The following GUCY2F variants were observed in gnomAD, a reference collection of about 807,000 sequenced individuals.
The protein encoded by GUCY2F is guanylate cyclase 2F, retinal.
A neutral mutation model predicts 73.1 loss-of-function variants in GUCY2F; 61 were observed. The ratio of observed to expected loss-of-function variants is 0.83; its 90% confidence interval spans 0.68 to 1.03. GUCY2F has a LOEUF of 1.03. Ranked by LOEUF, GUCY2F falls within the 50% of genes least tolerant of loss-of-function variation. The pLI is 0.00. For missense variants in GUCY2F, 912 were observed against 854.3 expected (o/e 1.07, Z -0.84); for synonymous variants, 331 against 307.8 (o/e 1.08, Z -0.79).
rs756259576 is a variant in GUCY2F, at chrX:109,409,155, C to T, written c.1805G>A (p.Arg602His). The T allele has an allele frequency of 3.6e-5, 40 of 1,098,411 alleles. No homozygotes were observed. Among genetic ancestry groups the T allele is most frequent in the South Asian group, 1.7e-4 (9 of 53,239 alleles). 90.5% of individuals were successfully genotyped at this position (1,098,411 alleles called of 1,213,427 possible). ...SDVFEMMKDL[R>H]HENINPLLGF... ...CAATAAAGGGTTAATATTCTCATGA[C>T]GCAAGTCCTTCATCTGGAAATGAGA... is the stretch of plus-strand genomic sequence containing the variant. Residue 602 changes from arginine (R) to histidine (H), a missense_variant, in exon 9 of 20, where the codon CGT becomes CAT. Coordinates refer to ENST00000218006, the MANE Select transcript of GUCY2F (RefSeq NM_001522.3).
At chrX:109,402,763 G>A (rs1930875477) in intron 10 of GUCY2F, among the ~76,000 whole-genome samples, 1 of 111,707 alleles carries the variant, frequency 9.0e-6, no homozygotes, top group Non-Finnish European at 1.9e-5. Context: ...TGCAGGTTTG[G>A]AGCAAATCAT....
In GUCY2F at chrX:109,475,934, C is replaced by CATA. The variant is rs879021100; in HGVS notation, c.-1_2dup (p.Pro1_?0). 3.1e-4 allele frequency: 372 copies of CATA among 1,193,254 alleles called. No homozygotes were observed. Among genetic ancestry groups the CATA allele is most frequent in the Non-Finnish European group, 3.1e-4 (278 of 887,908 alleles). ...GAGAAAAGCGCCCGAGTCCCAGGAA[C>CATA]ATAGCCCTCCTGCTTCCAGCAAGCT... On this transcript the variant is annotated start_lost and start_retained_variant, in exon 2 of 20. Coordinates refer to ENST00000218006, the MANE Select transcript of GUCY2F (RefSeq NM_001522.3).
At chrX:109,476,098 CAAA>C (rs35170259) in intron 1 of GUCY2F, 77 bp from the exon 2 acceptor site, 603 of 279,520 alleles carry the variant, frequency 2.2e-3, no homozygotes, top group East Asian at 4.5e-3. Context: ...GAAAGAATGG[CAAA>C]AAAAAAAAAA....
chrX:109,415,050 C>G (rs902895480), intron 8 of GUCY2F, among the ~76,000 whole-genome samples: 6 of 110,473 alleles, frequency 5.4e-5, no homozygotes, highest in African/African-American at 2.0e-4. Flanking sequence ...TGGCAGACCA[C>G]CATTCCTGAT....
intron 15 of GUCY2F, among the ~76,000 whole-genome samples, chrX:109,387,060 G>A (rs1459754732): frequency 2.7e-5 from 3 of 111,922 alleles, no homozygotes; most frequent in Non-Finnish European, 5.6e-5. Flanking sequence ...GACAGACAAG[G>A]AAACACAGAT....
chrX:109,392,486 C>T lies in GUCY2F; in HGVS notation c.2589-383G>A, dbSNP rs143849386. Among the ~76,000 whole-genome samples, 65 of 111,812 alleles carry T rather than the reference C, an allele frequency of 5.8e-4. 1 individual carries two copies. The highest frequency in any genetic ancestry group is 2.1e-3 in the African/African-American group (64 of 30,723). On this transcript the variant is annotated intron_variant, in intron 13 of 19. Transcript: ENST00000218006. The stretch of plus-strand genomic sequence containing the variant: ...TGTTACAACATAATAAGTAAGGTGC[C>T]CTGGAAAACTTGGAAACTGTAGCAA...
intron 7 of GUCY2F, among the ~76,000 whole-genome samples, chrX:109,434,232 C>G (rs1931681618): frequency 9.1e-6 from 1 of 110,339 alleles, no homozygotes; most frequent in South Asian, 4.0e-4. Flanking sequence ...GCCCACCACA[C>G]CCCATCTCAC....
intron 8 of GUCY2F, among the ~76,000 whole-genome samples, chrX:109,415,908 T>G (rs986261143): frequency 1.8e-5 from 2 of 112,018 alleles, no homozygotes; most frequent in Non-Finnish European, 3.8e-5. Context: ...AATTGAACAC[T>G]GTCTTTAAAT....
chrX:109,446,064 T>C (rs60500576), intron 6 of GUCY2F, among the ~76,000 whole-genome samples: 6,408 of 111,228 alleles, frequency 0.058, 428 homozygotes, highest in African/African-American at 0.19. Context: ...ATCCAACTTA[T>C]AAGGGATGTG....
At chrX:109,438,090 C>T (rs1425462536) in intron 7 of GUCY2F, among the ~76,000 whole-genome samples, 1 of 112,376 alleles carries the variant, frequency 8.9e-6, no homozygotes, top group Admixed American at 9.4e-5. Flanking sequence ...ATTTGTGCTG[C>T]TATAACAGAA....
intron 19 of GUCY2F, 76 bp downstream of exon 19, chrX:109,375,822 G>A: frequency 1.5e-6 from 1 of 686,446 alleles, no homozygotes; most frequent in Admixed American, 2.2e-5. Context: ...GGCTGACACT[G>A]GCACGCATGC....
intron 15 of GUCY2F, among the ~76,000 whole-genome samples, chrX:109,387,539 G>A (rs1365603442): frequency 8.9e-6 from 1 of 112,126 alleles, no homozygotes; most frequent in Non-Finnish European, 1.9e-5. Flanking sequence ...CGTACAAGTG[G>A]TAGTTAAACC....
At chrX:109,396,995 C>T (rs769277242) in intron 11 of GUCY2F, among the ~76,000 whole-genome samples, 11 of 112,134 alleles carry the variant, frequency 9.8e-5, no homozygotes, top group Non-Finnish European at 2.1e-4. Context: ...TCTCACAGTC[C>T]AATTGCAATA....
chrX:109,428,406 G>A (rs1393434526), intron 8 of GUCY2F, among the ~76,000 whole-genome samples: 3 of 111,773 alleles, frequency 2.7e-5, no homozygotes, highest in Non-Finnish European at 3.8e-5. Context: ...AGTCTAAATC[G>A]ATCTTGAGGA....
intron 8 of GUCY2F, among the ~76,000 whole-genome samples, chrX:109,420,581 A>C (rs1217844619): frequency 4.5e-5 from 5 of 111,798 alleles, no homozygotes; most frequent in Non-Finnish European, 9.5e-5. Flanking sequence ...AGCAAAGGCT[A>C]TTCAGGATAT....
In GUCY2F at chrX:109,475,943, C is replaced by T; in HGVS notation, c.-7G>A. The T allele has an allele frequency of 8.4e-7, 1 of 1,189,120 alleles. No homozygotes were observed. Among genetic ancestry groups the T allele is most frequent in the Non-Finnish European group, 1.1e-6 (1 of 885,243 alleles). ...GCCCGAGTCCCAGGAACATAGCCCT[C>T]CTGCTTCCAGCAAGCTAATGACGAG... On this transcript the variant is annotated 5_prime_UTR_variant, in exon 2 of 20. Transcript: ENST00000218006.
chrX:109,476,632 C>T (rs1329455920), intron 1 of GUCY2F, among the ~76,000 whole-genome samples: 1 of 109,557 alleles, frequency 9.1e-6, no homozygotes, highest in Non-Finnish European at 1.9e-5. Context: ...GAAAAGTTAG[C>T]CAGGTGAATG....
At chrX:109,450,349 TCAAAGCC>T (rs1446520487) in intron 5 of GUCY2F, among the ~76,000 whole-genome samples, 1 of 111,142 alleles carries the variant, frequency 9.0e-6, no homozygotes, top group Non-Finnish European at 1.9e-5. Flanking sequence ...CTAGGCTCAC[TCAAAGCC>T]CAAAGAACCA....
chrX:109,392,779 C>G (rs980422814), intron 13 of GUCY2F, 113 bp downstream of exon 13: 1 of 469,824 alleles, frequency 2.1e-6, no homozygotes. Context: ...AGAGAAGGTG[C>G]AGGACAAGGG....
Sources: allele counts gnomAD v4.1 joint callset (sites outside exome capture counted in the v4.1 genomes callset), GRCh38; gene constraint gnomAD v4.1.1; transcripts MANE v1.5; gene names NCBI Gene and HGNC (gene_info 2026-07-23, HGNC 2026-07-21).